Variants in SIAE observed in about 807,000 individuals in gnomAD.
SIAE encodes the protein sialic acid acetylesterase, also known as sialate O-acetylesterase.
A neutral mutation model predicts 52.6 loss-of-function variants in SIAE; 39 were observed. The observed-to-expected ratio is 0.74, with a 90% confidence interval of 0.57 to 0.97. The LOEUF is 0.97. Among genes scored for constraint, SIAE ranks in the 50% least tolerant of loss-of-function variants. The probability of loss-of-function intolerance (pLI) is 0.00; values close to 1 mark genes in which losing one functional copy is unlikely to be tolerated. For synonymous variants in SIAE, 233 were observed against 241.4 expected (o/e 0.97, Z 0.32); for missense variants, 592 against 662.1 (o/e 0.89, Z 1.16).
At chr11:124,644,350 T>TG (rs1591385348) in intron 7 of SIAE, among the ~76,000 whole-genome samples, 1 of 78,884 alleles carries the variant, frequency 1.3e-5, no homozygotes, top group East Asian at 4.1e-4. Flanking sequence ...GAGTCTGTGG[T>TG]GAGAAAAAAA....
At chr11:124,673,330 T>A (rs1325356611) in intron 1 of SIAE, among the ~76,000 whole-genome samples, 3 of 152,186 alleles carry the variant, frequency 2.0e-5, no homozygotes, top group African/African-American at 7.2e-5. Flanking sequence ...CCCCTGCAGT[T>A]ACTCCAGGAC....
chr11:124,669,678 T>C, intron 1 of SIAE, 157 bp from the exon 2 acceptor site: 1 of 711,580 alleles, frequency 1.4e-6, no homozygotes, highest in Non-Finnish European at 2.5e-6. Flanking sequence ...TTCCTCCTAA[T>C]TAGGCAAGCA....
upstream of SIAE, chr11:124,675,202 C>A: frequency 6.5e-7 from 1 of 1,543,862 alleles, no homozygotes; most frequent in Non-Finnish European, 8.7e-7. Context: ...TAAAATCAGA[C>A]AAATTTAAAG....
At position 124,670,533 on chromosome 11, in the gene SIAE, A is replaced by C. The variant is rs1943337057; in HGVS notation, c.68-1012T>G. Among the ~76,000 whole-genome samples the C allele has an allele frequency of 6.6e-6, 1 of 152,350 alleles. No homozygotes were observed. The highest frequency in any genetic ancestry group is 3.4e-3 in the Middle Eastern group (1 of 294). On this transcript the variant is annotated intron_variant, in intron 1 of 9. Transcript: ENST00000263593. This position sits in a 1 kb window ranked among gnomAD's most constrained non-coding sequence, Gnocchi z 4.5. Reference sequence around the variant, plus strand: ...CCCAAACTACCTAAAATAATTAACAAAATTTAGATCTTTTTAAGCATTTTA... The same window carrying C: ...CCCAAACTACCTAAAATAATTAACACAATTTAGATCTTTTTAAGCATTTTA...
chr11:124,637,041 T>G lies in SIAE; in HGVS notation c.1482A>C (p.Leu494=), dbSNP rs143258969. The part of the protein sequence containing the change: ...TWPCEYKQCP[L]YHPSSALPAP... ...CTGGCAGGGCACTACTGGGGTGGTA[T>G]AGGGGACACTGCTTATATTCACAAG... Residue 494 remains leucine (L), a synonymous_variant, in exon 10 of 10, where the codon CTA becomes CTC. Coordinates refer to ENST00000263593, the MANE Select transcript of SIAE (RefSeq NM_170601.5). 1.9e-5 allele frequency: 31 copies of G among 1,613,982 alleles called. No individual in the cohort carries two copies. Among genetic ancestry groups the G allele is most frequent in the Non-Finnish European group, 8.5e-7 (1 of 1,180,028 alleles).
intron 7 of SIAE, 70 bp from the exon 8 acceptor site, chr11:124,639,937 C>CTCTGCT: frequency 1.3e-6 from 2 of 1,551,480 alleles, no homozygotes; most frequent in Admixed American, 1.7e-5. Flanking sequence ...CACTGGCAGA[C>CTCTGCT]TCTGCTTCTG....
At chr11:124,674,914 C>G (rs1943439676), upstream of SIAE, 1 of 162,906 alleles carries the variant, frequency 6.1e-6, no homozygotes, top group South Asian at 2.0e-4. Context: ...ATCATTCTCT[C>G]TAAATTCCTG....
intron 2 of SIAE, among the ~76,000 whole-genome samples, chr11:124,665,325 G>A (rs79572671): frequency 0.025 from 3,753 of 152,328 alleles, 65 homozygotes; most frequent in East Asian, 0.093. Flanking sequence ...TAAAAATTGA[G>A]ATTTTCCTGG....
At chr11:124,674,270 G>A, upstream of SIAE, 1 of 152,538 alleles carries the variant, frequency 6.6e-6, no homozygotes, top group Non-Finnish European at 1.5e-5. Context: ...AGGCGTGGTG[G>A]CGCGCGCCTG....
chr11:124,636,616 AT>A lies in SIAE; in HGVS notation c.*334del, dbSNP rs11295307. The A allele has an allele frequency of 0.068, 23,044 of 340,444 alleles. 2,470 individuals carry two copies. The highest frequency in any genetic ancestry group is 0.3 in the African/African-American group (14,368 of 47,176). The allele number at this position is 340,444 out of a possible 1,614,324, so 21.1% of individuals were successfully genotyped here. On this transcript the variant is annotated 3_prime_UTR_variant, in exon 10 of 10. Coordinates refer to ENST00000263593, the MANE Select transcript of SIAE (RefSeq NM_170601.5). ...CTTTAAAATCTCTTCCAATCCTGAG[AT>A]TCCCACAACTCTGGATAAAAAGGGG...
chr11:124,661,543 C>T lies in SIAE; in HGVS notation c.230-740G>A, dbSNP rs765767699. ...TATTTCAGAAACTCATAGCATATTC[C>T]CTAGAACCACCCCATCACCCTCCTA... On this transcript the variant is annotated intron_variant, in intron 2 of 9. Transcript: ENST00000263593. 9.2e-5 allele frequency among the ~76,000 whole-genome samples: 14 copies of T among 152,012 alleles called. 1 individual carries two copies. Among genetic ancestry groups the T allele is most frequent in the Admixed American group, 8.5e-4 (13 of 15,256 alleles).
Position 124,647,586 on chromosome 11 carries a change from G to C in SIAE, c.833-88C>G. On this transcript the variant is annotated intron_variant, in intron 6 of 9. Coordinates refer to ENST00000263593, the MANE Select transcript of SIAE (RefSeq NM_170601.5). ...TCTCCTCCCTCCATCCATGCCCTGA[G>C]GTAGTGGTCTTCCCACGGTCTCTCT... is the stretch of plus-strand genomic sequence containing the variant. The C allele has an allele frequency of 2.7e-6, 4 of 1,503,372 alleles. No individual in the cohort carries two copies. In the Middle Eastern group the frequency reaches 8.0e-4, roughly 300 times the overall value. The allele number at this position is 1,503,372 out of a possible 1,614,324, so 93.1% of individuals were successfully genotyped here.
intron 3 of SIAE, among the ~76,000 whole-genome samples, chr11:124,657,680 T>G (rs1943123260): frequency 6.6e-6 from 1 of 152,220 alleles, no homozygotes; most frequent in African/African-American, 2.4e-5. Flanking sequence ...GTGTGTAATT[T>G]CAAGCCCAAA....
At chr11:124,646,079 A>G (rs1942928450) in intron 7 of SIAE, among the ~76,000 whole-genome samples, 1 of 152,112 alleles carries the variant, frequency 6.6e-6, no homozygotes, top group African/African-American at 2.4e-5. Flanking sequence ...TACTTGTTTG[A>G]TTTCTTATGT....
upstream of SIAE, chr11:124,675,721 A>G (rs1460188888): frequency 4.1e-6 from 1 of 244,268 alleles, no homozygotes; most frequent in Non-Finnish European, 8.0e-6. Flanking sequence ...AGTGGGGGAA[A>G]AAAAGATCAT....
chr11:124,642,487 G>A (rs952415048), intron 7 of SIAE, among the ~76,000 whole-genome samples: 16 of 152,178 alleles, frequency 1.1e-4, no homozygotes, highest in African/African-American at 3.4e-4. Context: ...ATGAGAAAGT[G>A]ACAAGTGCAC....
intron 7 of SIAE, 24 bp downstream of exon 7, chr11:124,647,341 G>A: frequency 6.2e-7 from 1 of 1,614,158 alleles, no homozygotes; most frequent in East Asian, 2.2e-5. Flanking sequence ...GACATGAACA[G>A]AGAAGCCTTT....
chr11:124,647,274 G>A (rs1053522852), intron 7 of SIAE, 91 bp downstream of exon 7: 1 of 1,549,456 alleles, frequency 6.5e-7, no homozygotes, highest in African/African-American at 1.4e-5. Context: ...GATCCAAATA[G>A]CACATCCCCA....
At chr11:124,660,827 G>A (rs913979865) in intron 2 of SIAE, 24 bp from the exon 3 acceptor site, 2 of 1,612,566 alleles carry the variant, frequency 1.2e-6, no homozygotes, top group East Asian at 4.5e-5. Flanking sequence ...AGGACTCCAA[G>A]GAATTAATCA....
Sources: allele counts gnomAD v4.1 joint callset (sites outside exome capture counted in the v4.1 genomes callset), GRCh38; gene constraint gnomAD v4.1.1; non-coding constraint Gnocchi (gnomAD v3.1); transcripts MANE v1.5; gene names NCBI Gene and HGNC (gene_info 2026-07-23, HGNC 2026-07-21).